Variants in PCDHGA1 observed in about 807,000 individuals in gnomAD.
PCDHGA1 encodes protocadherin gamma-A1.
Under a neutral mutation model 58.0 loss-of-function variants are expected in PCDHGA1, and 32 were observed. The observed-to-expected ratio is 0.55, with a 90% CI of 0.42 to 0.74. The LOEUF (loss-of-function observed/expected upper bound fraction) is 0.74, where lower values mean the gene tolerates loss of function less well. Ranked by LOEUF, PCDHGA1 falls within the 30% of genes least tolerant of loss-of-function variation. PCDHGA1 has a pLI of 0.00. For synonymous variants in PCDHGA1, 498 were observed against 501.1 expected (o/e 0.99, Z 0.08); for missense variants, 1,205 against 1,182.3 (o/e 1.02, Z -0.28).
intron 1 of PCDHGA1, chr5:141,419,137 C>CAGGG: frequency 6.2e-7 from 1 of 1,613,892 alleles, no homozygotes; most frequent in Non-Finnish European, 8.5e-7. Context: ...CAGCCACAGA[C>CAGGG]AGGGGCAAGC....
intron 1 of PCDHGA1, chr5:141,478,182 AT>A: frequency 6.2e-7 from 1 of 1,613,984 alleles, no homozygotes. Context: ...CAGAAAAAAA[AT>A]CTCACCTTTT....
At chr5:141,399,719 G>A (rs773556952) in intron 1 of PCDHGA1, 13 of 1,613,168 alleles carry the variant, frequency 8.1e-6, no homozygotes, top group Non-Finnish European at 1.1e-5. Flanking sequence ...CTACAGGCCC[G>A]CGACCAGGGC....
At chr5:141,401,610 A>AC (rs1186420148) in intron 1 of PCDHGA1, among the ~76,000 whole-genome samples, 1 of 152,212 alleles carries the variant, frequency 6.6e-6, no homozygotes, top group Non-Finnish European at 1.5e-5. Flanking sequence ...GGAAAAAGAC[A>AC]CCGGATTTGT....
chr5:141,458,949 T>A (rs948180008), intron 1 of PCDHGA1, among the ~76,000 whole-genome samples: 1 of 151,814 alleles, frequency 6.6e-6, no homozygotes, highest in East Asian at 1.9e-4. Flanking sequence ...CTTAGGTTGG[T>A]CACAAATTCA....
At chr5:141,500,278 G>A (rs1338703900) in intron 2 of PCDHGA1, among the ~76,000 whole-genome samples, 2 of 150,508 alleles carry the variant, frequency 1.3e-5, no homozygotes, top group East Asian at 2.0e-4. Context: ...GCGCAATCTC[G>A]GCTCACTGCA....
chr5:141,439,056 T>C (rs2098084461), intron 1 of PCDHGA1, among the ~76,000 whole-genome samples: 1 of 151,260 alleles, frequency 6.6e-6, no homozygotes, highest in Non-Finnish European at 1.5e-5. Flanking sequence ...TTCCATATTG[T>C]GTGGCAGGCG....
intron 1 of PCDHGA1, among the ~76,000 whole-genome samples, chr5:141,405,721 A>G (rs1295046106): frequency 1.3e-5 from 2 of 151,702 alleles, no homozygotes; most frequent in African/African-American, 4.8e-5. Context: ...CAAGTGATCC[A>G]CCCACCTCAG....
chr5:141,399,597 C>T, intron 1 of PCDHGA1: 1 of 1,613,958 alleles, frequency 6.2e-7, no homozygotes, highest in Non-Finnish European at 8.5e-7. Flanking sequence ...TCATGGCCAG[C>T]GACCTAGAGC....
chr5:141,404,564 G>A, intron 1 of PCDHGA1: 1 of 1,613,890 alleles, frequency 6.2e-7, no homozygotes. Flanking sequence ...AAGTGACAGT[G>A]GAAGCCCACC....
intron 1 of PCDHGA1, chr5:141,375,696 G>A: frequency 6.2e-7 from 1 of 1,614,260 alleles, no homozygotes; most frequent in African/African-American, 1.3e-5. Flanking sequence ...AGCGACAGCG[G>A]GGACCCGCCT....
At chr5:141,375,246 G>C in intron 1 of PCDHGA1, 1 of 1,613,930 alleles carries the variant, frequency 6.2e-7, no homozygotes, top group South Asian at 1.1e-5. Flanking sequence ...TCCATCCCGA[G>C]AAGTCTCCCA....
At chr5:141,363,845 A>G (rs922209204) in intron 1 of PCDHGA1, among the ~76,000 whole-genome samples, 1 of 152,250 alleles carries the variant, frequency 6.6e-6, no homozygotes. Flanking sequence ...TCCTAATTTA[A>G]TGGACTAAAT....
chr5:141,469,762 A>G (rs547099941), intron 1 of PCDHGA1, among the ~76,000 whole-genome samples: 15 of 152,360 alleles, frequency 9.8e-5, no homozygotes, highest in African/African-American at 3.4e-4. Flanking sequence ...ATACATATAT[A>G]CCAGCTTATT....
chr5:141,370,655 C>T (rs746541169), intron 1 of PCDHGA1: 14 of 1,613,708 alleles, frequency 8.7e-6, no homozygotes, highest in Non-Finnish European at 1.1e-5. Context: ...TACTTGTGAG[C>T]GACCGTATAG....
chr5:141,476,417 C>A lies in PCDHGA1; in HGVS notation c.2422-18390C>A. ...GGATCGAGAGGAGCTGTGTGGGACA[C>A]TGCCCTCTTGCACTGTAACTCTGGA... is the stretch of plus-strand genomic sequence containing the variant. On this transcript the variant is annotated intron_variant, in intron 1 of 3. Coordinates refer to ENST00000517417, the MANE Select transcript of PCDHGA1 (RefSeq NM_018912.3). This position sits in a 1 kb window ranked among gnomAD's most constrained non-coding sequence, Gnocchi z 7.6. The A allele has an allele frequency of 6.2e-7, 1 of 1,614,112 alleles. No homozygotes were observed. The highest frequency in any genetic ancestry group is 8.5e-7 in the Non-Finnish European group (1 of 1,179,994).
At chr5:141,340,389 C>T in intron 1 of PCDHGA1, 1 of 1,614,200 alleles carries the variant, frequency 6.2e-7, no homozygotes, top group Non-Finnish European at 8.5e-7. Context: ...TCTGTCTTCT[C>T]AGTGACGGCC....
At chr5:141,343,840 G>A (rs1040013193) in intron 1 of PCDHGA1, 15 of 507,432 alleles carry the variant, frequency 3.0e-5, no homozygotes, top group African/African-American at 2.6e-4. Flanking sequence ...CCATTTCCTT[G>A]CTCCTAAAAT....
At chr5:141,419,465 G>C (rs568864628) in intron 1 of PCDHGA1, 77 of 1,612,426 alleles carry the variant, frequency 4.8e-5, no homozygotes, top group Non-Finnish European at 6.4e-5. Context: ...GCAGGCCCGC[G>C]ACCAGGGCTC....
intron 1 of PCDHGA1, chr5:141,345,412 A>G (rs887313352): frequency 9.9e-6 from 16 of 1,613,908 alleles, no homozygotes; most frequent in Non-Finnish European, 1.4e-5. Context: ...TACTCCGCCT[A>G]CATTCCAGAA....
Sources: gnomAD v4.1 joint callset for allele counts (sites outside exome capture counted in the v4.1 genomes callset) on GRCh38, gnomAD v4.1.1 for gene constraint, Gnocchi (gnomAD v3.1) non-coding constraint, MANE v1.5 for transcripts, NCBI Gene and HGNC (gene_info 2026-07-23, HGNC 2026-07-21) for gene names.